ULK4: variants seen among roughly 807,000 people sequenced by gnomAD.
The protein encoded by ULK4 is unc-51 like kinase 4.
ULK4 carries 133 observed loss-of-function variants against 160.6 expected under a neutral mutation model. The observed-to-expected ratio is 0.83, with a 90% CI of 0.72 to 0.96. The LOEUF (loss-of-function observed/expected upper bound fraction) is 0.96. ULK4 is among the 40% of genes least tolerant of loss of function. The probability of loss-of-function intolerance (pLI) is 0.00; values close to 1 mark genes in which losing one functional copy is unlikely to be tolerated. For synonymous variants in ULK4, 534 were observed against 539.8 expected, an observed-to-expected ratio of 0.99 and a Z score of 0.15; for missense variants, 1,580 against 1,499.5, an observed-to-expected ratio of 1.05 and a Z score of -0.89.
chr3:41,918,804 T>C (rs1699067128), intron 6 of ULK4, among the ~76,000 whole-genome samples: 1 of 152,008 alleles, frequency 6.6e-6, no homozygotes, highest in Non-Finnish European at 1.5e-5. Flanking sequence ...GGTTTCACCG[T>C]GTTAGCCAGG....
Position 41,493,451 on chromosome 3 carries a change from C to T in ULK4, c.3227-30198G>A, listed in dbSNP as rs1018549295. On this transcript the variant is annotated intron_variant, in intron 32 of 36. Transcript: ENST00000301831. Reference sequence around the variant, plus strand: ...GCAGTGTGTAGAGGGAAATTTATAGCACTAAATGCCCACAAGAGAAAGCAA... The same window carrying T: ...GCAGTGTGTAGAGGGAAATTTATAGTACTAAATGCCCACAAGAGAAAGCAA... Among the ~76,000 whole-genome samples the T allele has an allele frequency of 4.7e-5, 6 of 128,808 alleles. 1 individual carries two copies. The highest frequency in any genetic ancestry group is 8.6e-5 in the Non-Finnish European group (5 of 57,940). The allele number at this position is 128,808 out of a possible 152,430, so 84.5% of individuals were successfully genotyped here.
chr3:41,327,347 T>C (rs2080357765), intron 35 of ULK4, among the ~76,000 whole-genome samples: 2 of 152,166 alleles, frequency 1.3e-5, no homozygotes, highest in Admixed American at 1.3e-4. Flanking sequence ...TTTTAAATAA[T>C]GCCAAGAAAT....
At chr3:41,706,900 T>TATATAGAGAGAGAG (rs369390361) in intron 25 of ULK4, among the ~76,000 whole-genome samples, 1 of 136,382 alleles carries the variant, frequency 7.3e-6, no homozygotes, top group African/African-American at 2.9e-5. Context: ...TATATATATA[T>TATATAGAGAGAGAG]AGAGAGAGAG....
intron 35 of ULK4, among the ~76,000 whole-genome samples, chr3:41,316,176 CT>C (rs1301787519): frequency 6.6e-6 from 1 of 152,166 alleles, no homozygotes; most frequent in Non-Finnish European, 1.5e-5. Flanking sequence ...AAAATGTGAG[CT>C]ATGTCCATAC....
Position 41,824,928 on chromosome 3 carries a change from T to A in ULK4, c.1765-5422A>T, listed in dbSNP as rs184896445. Among the ~76,000 whole-genome samples, 554 of 152,314 alleles carry A rather than the reference T, an allele frequency of 3.6e-3. 6 individuals are homozygous for A. Among genetic ancestry groups the A allele is most frequent in the Non-Finnish European group, 6.4e-3 (433 of 68,020 alleles). Reference sequence around the variant, plus strand: ...GGAGGCACCCCCAGTAGGGGCAGACTGACACCTCACAGGGCTGGGTACTCC... The same window carrying A: ...GGAGGCACCCCCAGTAGGGGCAGACAGACACCTCACAGGGCTGGGTACTCC... On this transcript the variant is annotated intron_variant, in intron 18 of 36. Coordinates refer to ENST00000301831, the MANE Select transcript of ULK4 (RefSeq NM_017886.4).
intron 17 of ULK4, among the ~76,000 whole-genome samples, chr3:41,846,202 C>A (rs1198159023): frequency 1.3e-5 from 2 of 151,922 alleles, no homozygotes; most frequent in African/African-American, 4.8e-5. Flanking sequence ...TAATGGTTCT[C>A]CTCAAGGTTA....
intron 32 of ULK4, among the ~76,000 whole-genome samples, chr3:41,555,934 C>T (rs2087278483): frequency 6.6e-6 from 1 of 152,104 alleles, no homozygotes; most frequent in Admixed American, 6.6e-5. Context: ...GAACAGAAAA[C>T]CAAATATGGT....
intron 8 of ULK4, 70 bp downstream of exon 8, chr3:41,915,907 A>C (rs745767793): frequency 2.8e-6 from 3 of 1,068,702 alleles, no homozygotes; most frequent in Non-Finnish European, 4.2e-6. Flanking sequence ...ATTCCCATTA[A>C]AATACTGCCC....
chr3:41,667,220 A>G (rs1332839985), intron 29 of ULK4, among the ~76,000 whole-genome samples: 1 of 152,066 alleles, frequency 6.6e-6, no homozygotes, highest in Non-Finnish European at 1.5e-5. Context: ...CTGAAATCAA[A>G]GTGTCTTGAG....
At chr3:41,358,673 CAGGA>C (rs1349561564) in intron 35 of ULK4, among the ~76,000 whole-genome samples, 1 of 152,016 alleles carries the variant, frequency 6.6e-6, no homozygotes, top group Non-Finnish European at 1.5e-5. Flanking sequence ...CTGGAGTGAG[CAGGA>C]AGAAAAGTGG....
intron 1 of ULK4, among the ~76,000 whole-genome samples, chr3:41,956,017 T>C (rs989175792): frequency 1.3e-5 from 2 of 152,002 alleles, no homozygotes; most frequent in African/African-American, 4.8e-5. Flanking sequence ...TGACTTCCTG[T>C]AACTAAATTG....
chr3:41,435,903 G>A (rs2125851326), intron 34 of ULK4, among the ~76,000 whole-genome samples: 1 of 152,200 alleles, frequency 6.6e-6, no homozygotes, highest in Admixed American at 6.5e-5. Context: ...AGCAAAGATT[G>A]CGCCATTGTA....
intron 27 of ULK4, among the ~76,000 whole-genome samples, chr3:41,695,449 G>T (rs796883458): frequency 6.6e-6 from 1 of 152,140 alleles, no homozygotes; most frequent in Non-Finnish European, 1.5e-5. Context: ...GGGCAGAGTA[G>T]TAACAAACTG....
intron 32 of ULK4, among the ~76,000 whole-genome samples, chr3:41,545,476 T>C (rs547125380): frequency 2.3e-4 from 35 of 152,336 alleles, no homozygotes; most frequent in African/African-American, 8.2e-4. Context: ...GCCTCCATTA[T>C]TTCTGACAAG....
rs141201301 is a variant in ULK4, at chr3:41,574,183, A to C, written c.3121-8053T>G. On this transcript the variant is annotated intron_variant, in intron 31 of 36. Transcript: ENST00000301831. Reference sequence around the variant, plus strand: ...AACAAGAGCGAAACTCCGTCTCAAAAAAACAAACAAACAAACAAACAAAAA... The same window carrying C: ...AACAAGAGCGAAACTCCGTCTCAAACAAACAAACAAACAAACAAACAAAAA... 4.8e-3 allele frequency among the ~76,000 whole-genome samples: 727 copies of C among 152,274 alleles called. 3 individuals carry two copies. The highest frequency in any genetic ancestry group is 0.016 in the African/African-American group (685 of 41,562).
chr3:41,246,818 A>C lies in ULK4; in HGVS notation c.*111T>G. 1 of 1,298,018 alleles carries C rather than the reference A, an allele frequency of 7.7e-7. No individual in the cohort carries two copies. The allele number at this position is 1,298,018 out of a possible 1,614,324, so 80.4% of individuals were successfully genotyped here. Reference sequence around the variant, plus strand: ...GGTTCTGGGTTAAGCTGACTTTATTAGGTCCAAAGACAGCTGTGAGGGGAT... The same window carrying C: ...GGTTCTGGGTTAAGCTGACTTTATTCGGTCCAAAGACAGCTGTGAGGGGAT... On this transcript the variant is annotated 3_prime_UTR_variant, in exon 37 of 37. Coordinates refer to ENST00000301831, the MANE Select transcript of ULK4 (RefSeq NM_017886.4).
chr3:41,850,699 TGGATATTAGTCCTTTGTCAGATGAGTA>T (rs2042189689), intron 17 of ULK4, among the ~76,000 whole-genome samples: 1 of 152,210 alleles, frequency 6.6e-6, no homozygotes, highest in South Asian at 2.1e-4. Context: ...TTGTAGATTC[TGGATATTAGTCCTTTGTCAGATGAGTA>T]GGTTGCAAAA....
At chr3:41,627,485 G>A (rs907810837) in intron 30 of ULK4, among the ~76,000 whole-genome samples, 19 of 152,178 alleles carry the variant, frequency 1.2e-4, no homozygotes, top group African/African-American at 4.1e-4. Flanking sequence ...GCCCCCATCC[G>A]GCAAGGACAC....
chr3:41,347,296 T>G (rs1234442362), intron 35 of ULK4, among the ~76,000 whole-genome samples: 1 of 152,234 alleles, frequency 6.6e-6, no homozygotes, highest in Non-Finnish European at 1.5e-5. Flanking sequence ...GTGAAATGTC[T>G]TTTCATTTTT....
Sources: allele counts gnomAD v4.1 joint callset (sites outside exome capture counted in the v4.1 genomes callset), GRCh38; gene constraint gnomAD v4.1.1; transcripts MANE v1.5; gene names NCBI Gene and HGNC (gene_info 2026-07-23, HGNC 2026-07-21).